ARHGAP5: variants seen among roughly 807,000 people sequenced by gnomAD.
The protein encoded by ARHGAP5 is Rho GTPase activating protein 5, also known as rho GTPase-activating protein 5.
Under a neutral mutation model 116.6 loss-of-function variants are expected in ARHGAP5, and 23 were observed. That is an observed-to-expected ratio of 0.20 (90% CI 0.14 to 0.28). The LOEUF is 0.28. Among genes scored for constraint, ARHGAP5 ranks in the 10% least tolerant of loss-of-function variants. The pLI, the probability that ARHGAP5 is intolerant of heterozygous loss-of-function variation, is 1.00. For synonymous variants in ARHGAP5, 574 were observed against 602.0 expected, an observed-to-expected ratio of 0.95 and a Z score of 0.68; for missense variants, 1,405 against 1,774.8, an observed-to-expected ratio of 0.79 and a Z score of 3.74.
intron 2 of ARHGAP5, among the ~76,000 whole-genome samples, chr14:32,110,364 G>A (rs1879230882): frequency 6.6e-6 from 1 of 151,280 alleles, no homozygotes; most frequent in African/African-American, 2.4e-5. Context: ...TTGCTGTGTT[G>A]CCCAGGCTGG....
chr14:32,088,472 C>A (rs1440438018), intron 1 of ARHGAP5, among the ~76,000 whole-genome samples: 1 of 151,902 alleles, frequency 6.6e-6, no homozygotes, highest in African/African-American at 2.4e-5. Flanking sequence ...AGTTCCATTT[C>A]TATCACTGTG....
chr14:32,081,641 G>A (rs1347048330), intron 1 of ARHGAP5, among the ~76,000 whole-genome samples: 1 of 151,402 alleles, frequency 6.6e-6, no homozygotes, highest in Non-Finnish European at 1.5e-5. Flanking sequence ...TAATGCAAGA[G>A]TGATAGAAGG....
In ARHGAP5 at chr14:32,092,885, G is replaced by T. The variant is rs757199082; in HGVS notation, c.2216G>T (p.Arg739Leu). 1.2e-6 allele frequency: 2 copies of T among 1,613,898 alleles called. No individual in the cohort carries two copies. Among genetic ancestry groups the T allele is most frequent in the African/African-American group, 2.7e-5 (2 of 75,012 alleles). Residue 739 changes from arginine to leucine, a missense_variant, in exon 2 of 7, where the codon CGT becomes CTT. Physicochemically the swap from Arg to Leu is moderately radical, Grantham distance 102 (BLOSUM62 -2). This residue lies in a region of ARHGAP5 where 944 missense variants were observed against 1,095.3 expected (regional missense o/e 0.86). Transcript: ENST00000345122. The surrounding 1 kb of genome is among the most constrained non-coding windows in gnomAD (Gnocchi z 4.1). ...GATGTACCTGCTGGTACATATCCTC[G>T]TAAATTTAATGAAACCCAAATAAAG... is the stretch of plus-strand genomic sequence containing the variant. ...FVDVPAGTYP[R>L]KFNETQIKQA... is the part of the protein sequence containing the mutation.
At chr14:32,146,227 G>A in intron 3 of ARHGAP5, 36 bp from the exon 4 acceptor site, 2 of 1,475,080 alleles carry the variant, frequency 1.4e-6, no homozygotes, top group Non-Finnish European at 1.9e-6. Context: ...ATATATATGT[G>A]TTTATTAAAG....
chr14:32,147,100 G>A (rs752755803), intron 4 of ARHGAP5, among the ~76,000 whole-genome samples: 3 of 152,070 alleles, frequency 2.0e-5, no homozygotes, highest in Non-Finnish European at 2.9e-5. Flanking sequence ...AAAAAAAGCC[G>A]AATTTTCTAC....
chr14:32,104,888 C>G (rs1878940068), intron 2 of ARHGAP5, among the ~76,000 whole-genome samples: 1 of 152,124 alleles, frequency 6.6e-6, no homozygotes. Context: ...CAACCAGGGT[C>G]AGTTTGGCCC....
At chr14:32,081,956 C>T (rs190929088) in intron 1 of ARHGAP5, among the ~76,000 whole-genome samples, 26 of 152,258 alleles carry the variant, frequency 1.7e-4, no homozygotes, top group Admixed American at 1.7e-3. Context: ...TTTCACGGAA[C>T]CGGGGGCATG....
intron 3 of ARHGAP5, among the ~76,000 whole-genome samples, chr14:32,123,866 A>G (rs921308917): frequency 6.6e-6 from 1 of 152,180 alleles, no homozygotes; most frequent in Non-Finnish European, 1.5e-5. Context: ...TTATACCTAC[A>G]ATAAAATTAG....
chr14:32,104,702 G>C (rs574064053), intron 2 of ARHGAP5, among the ~76,000 whole-genome samples: 42 of 152,170 alleles, frequency 2.8e-4, no homozygotes, highest in Admixed American at 8.5e-4. Flanking sequence ...CCTTTCTGAG[G>C]GCAGTTATGG....
intron 2 of ARHGAP5, among the ~76,000 whole-genome samples, chr14:32,104,488 T>C (rs769640517): frequency 6.6e-6 from 1 of 152,170 alleles, no homozygotes. Context: ...GTCTTCACAA[T>C]GTAAGTTTTC....
chr14:32,081,406 G>A (rs901231277), intron 1 of ARHGAP5, among the ~76,000 whole-genome samples: 27 of 151,948 alleles, frequency 1.8e-4, no homozygotes, highest in Non-Finnish European at 3.8e-4. Flanking sequence ...TTAGCAGATG[G>A]GAAGAAAATA....
intron 4 of ARHGAP5, among the ~76,000 whole-genome samples, chr14:32,148,160 AG>A (rs1881468493): frequency 6.8e-6 from 1 of 147,420 alleles, no homozygotes. Flanking sequence ...CTCAAAAAAA[AG>A]AAATCTATCT....
chr14:32,096,006 A>G (rs543321256), intron 2 of ARHGAP5, among the ~76,000 whole-genome samples: 37 of 152,274 alleles, frequency 2.4e-4, no homozygotes, highest in Non-Finnish European at 5.3e-4. Flanking sequence ...TGTAATTTCA[A>G]TGAAAGTTGG....
At position 32,115,504 on chromosome 14, in the gene ARHGAP5, A is replaced by C. The variant is rs530185011; in HGVS notation, c.3718-1636A>C. On this transcript the variant is annotated intron_variant, in intron 2 of 6. Transcript: ENST00000345122. ...CGGTGAAACCGCGTCTCTACTAAAA[A>C]AATACAAAAAAATTAGCCGGGCGTG... Among the ~76,000 whole-genome samples the C allele has an allele frequency of 4.0e-5, 6 of 151,840 alleles. No homozygotes were observed. The South Asian group carries it at 1.3e-3, about 32-fold the overall frequency.
intron 3 of ARHGAP5, among the ~76,000 whole-genome samples, chr14:32,140,846 T>C (rs140371071): frequency 6.6e-6 from 1 of 152,314 alleles, no homozygotes; most frequent in African/African-American, 2.4e-5. Context: ...AGTCGGTTTT[T>C]AGTGTTCAAA....
At chr14:32,090,417 T>C in intron 1 of ARHGAP5, 85 bp from the exon 2 acceptor site, 1 of 439,618 alleles carries the variant, frequency 2.3e-6, no homozygotes, top group East Asian at 3.3e-5. Flanking sequence ...TTAATTTGTA[T>C]GGTGCTTTGT....
chr14:32,154,913 C>T lies in ARHGAP5; in HGVS notation c.4474C>T (p.Pro1492Ser). The T allele has an allele frequency of 6.2e-7, 1 of 1,613,824 alleles. No homozygotes were observed. The change falls in exon 7 of 7, where the codon CCA becomes TCA. Residue 1492 changes from proline (P) to serine (S), a missense_variant. By Grantham distance (74) the Pro-to-Ser change is moderately conservative. Transcript: ENST00000345122. Reference sequence around the variant, plus strand: ...ACCATTGCAACCTCAGCTGATACAACCACAATTACAAACGGATCCTCTTGG... The same window carrying T: ...ACCATTGCAACCTCAGCTGATACAATCACAATTACAAACGGATCCTCTTGG... ...PPPLQPQLIQ[P>S]QLQTDPLGII
chr14:32,078,431 T>C (rs1399888959), intron 1 of ARHGAP5: 2 of 152,258 alleles, frequency 1.3e-5, no homozygotes, highest in African/African-American at 2.4e-5. Flanking sequence ...TATTTTGAGA[T>C]AGAGCAAGAT....
intron 6 of ARHGAP5, among the ~76,000 whole-genome samples, chr14:32,153,553 A>C (rs1223940193): frequency 7.4e-6 from 1 of 135,032 alleles, no homozygotes; most frequent in African/African-American, 2.8e-5. Flanking sequence ...GCTCACTGCA[A>C]CCTCCGCCTC....
Sources: gnomAD v4.1 joint callset for allele counts (sites outside exome capture counted in the v4.1 genomes callset) on GRCh38, gnomAD v4.1.1 for gene constraint, gnomAD v4.1.1 regional missense constraint, Gnocchi (gnomAD v3.1) non-coding constraint, MANE v1.5 for transcripts, NCBI Gene and HGNC (gene_info 2026-07-23, HGNC 2026-07-21) for gene names.